Variants in PTPRN2 observed in about 807,000 individuals in gnomAD.
The protein encoded by PTPRN2 is receptor-type tyrosine-protein phosphatase N2.
Under a neutral mutation model 118.8 loss-of-function variants are expected in PTPRN2, and 74 were observed. That is an observed-to-expected ratio of 0.62 (90% confidence interval 0.52 to 0.76). The LOEUF (loss-of-function observed/expected upper bound fraction) is 0.76, where lower values mean the gene tolerates loss of function less well. Among genes scored for constraint, PTPRN2 ranks in the 30% least tolerant of loss-of-function variants. The probability of loss-of-function intolerance (pLI) is 0.00; values close to 1 mark genes in which losing one functional copy is unlikely to be tolerated. For synonymous variants in PTPRN2, 641 were observed against 608.0 expected (o/e 1.05, Z -0.80); for missense variants, 1,481 against 1,394.4 (o/e 1.06, Z -0.99).
intron 1 of PTPRN2, among the ~76,000 whole-genome samples, chr7:158,501,272 C>A (rs1195256827): frequency 6.6e-6 from 1 of 152,182 alleles, no homozygotes; most frequent in Non-Finnish European, 1.5e-5. Context: ...TATCCTCAGA[C>A]CCTCTCCCCG....
rs28505346 is a variant in PTPRN2, at chr7:157,858,185, C to T, written c.1788+40488G>A. ...CACTCCTGCAGGGAGAGCCTCCCAG[C>T]CACCACCCACACTCCTGCAGGGAGA... On this transcript the variant is annotated intron_variant, in intron 12 of 22. Transcript: ENST00000389418. 3.7e-3 allele frequency among the ~76,000 whole-genome samples: 89 copies of T among 24,172 alleles called. 9 individuals carry two copies. Among genetic ancestry groups the T allele is most frequent in the Middle Eastern group, 0.015 (1 of 66 alleles). 15.9% of individuals were successfully genotyped at this position (24,172 alleles called of 152,430 possible). A position where few individuals can be genotyped will look rare whatever the true frequency, so the allele number is the denominator to read the frequency against.
intron 11 of PTPRN2, among the ~76,000 whole-genome samples, chr7:157,908,624 A>C (rs984267303): frequency 6.6e-6 from 1 of 152,216 alleles, no homozygotes; most frequent in Non-Finnish European, 1.5e-5. Context: ...CAGGACATGC[A>C]TGACTCACGC....
At chr7:158,328,119 C>A (rs1195021699) in intron 2 of PTPRN2, among the ~76,000 whole-genome samples, 1 of 152,182 alleles carries the variant, frequency 6.6e-6, no homozygotes, top group African/African-American at 2.4e-5. Context: ...TCCCATTCTG[C>A]AAGGAAGCTG....
Position 157,861,881 on chromosome 7 carries a change from C to T in PTPRN2, c.1788+36792G>A, listed in dbSNP as rs1810268396. Among the ~76,000 whole-genome samples, 1 of 150,966 alleles carries T rather than the reference C, an allele frequency of 6.6e-6. No individual in the cohort carries two copies. Among genetic ancestry groups the T allele is most frequent in the Non-Finnish European group, 1.5e-5 (1 of 67,764 alleles). ...TCTGTGTGCCGGAGTCTGTCCTCCC[C>T]ATCACAGGGACACTGCTGCTTCGAG... On this transcript the variant is annotated intron_variant, in intron 12 of 22. Coordinates refer to ENST00000389418, the MANE Select transcript of PTPRN2 (RefSeq NM_002847.5). This position sits in a 1 kb window ranked among gnomAD's most constrained non-coding sequence, Gnocchi z 5.8.
rs1356021541 is a variant in PTPRN2, at chr7:158,526,773, C to T, written c.113-36988G>A. On this transcript the variant is annotated intron_variant, in intron 1 of 22. Transcript: ENST00000389418. This position sits in a 1 kb window ranked among gnomAD's most constrained non-coding sequence, Gnocchi z 5.2. The stretch of plus-strand genomic sequence containing the variant: ...AACCCTGTGGGGCACAGGGAGGAGA[C>T]GGCATCTGCCAGCCAAGGGGAGAGG... Among the ~76,000 whole-genome samples, 6 of 152,080 alleles carry T rather than the reference C, an allele frequency of 3.9e-5. No homozygotes were observed. The highest frequency in any genetic ancestry group is 7.4e-5 in the Non-Finnish European group (5 of 68,014).
At chr7:158,112,627 G>A (rs1456445294) in intron 9 of PTPRN2, among the ~76,000 whole-genome samples, 1 of 152,240 alleles carries the variant, frequency 6.6e-6, no homozygotes, top group East Asian at 1.9e-4. Context: ...GACAGAGTCA[G>A]GAGTTTACAT....
intron 1 of PTPRN2, among the ~76,000 whole-genome samples, chr7:158,505,824 G>C (rs1161252850): frequency 6.6e-6 from 1 of 152,198 alleles, no homozygotes; most frequent in Non-Finnish European, 1.5e-5. Context: ...TCCTTAAGGG[G>C]TTCAATGTGG....
chr7:158,188,601 G>A (rs1825466343), intron 5 of PTPRN2, among the ~76,000 whole-genome samples: 1 of 121,460 alleles, frequency 8.2e-6, no homozygotes, highest in Non-Finnish European at 1.7e-5. Flanking sequence ...CCCTGATGGG[G>A]AAGCCCGCCA....
chr7:158,047,316 T>G (rs541443437), intron 11 of PTPRN2, among the ~76,000 whole-genome samples: 13 of 152,360 alleles, frequency 8.5e-5, no homozygotes, highest in Admixed American at 4.6e-4. Flanking sequence ...TCAGTTCCCT[T>G]TCTCTCAAGG....
intron 2 of PTPRN2, among the ~76,000 whole-genome samples, chr7:158,419,942 C>T (rs960918297): frequency 2.0e-5 from 3 of 152,206 alleles, no homozygotes; most frequent in East Asian, 1.9e-4. Flanking sequence ...GGACCCCGAG[C>T]TGTGCCTGAA....
intron 22 of PTPRN2, among the ~76,000 whole-genome samples, chr7:157,545,643 G>A (rs1397169645): frequency 6.6e-6 from 1 of 152,088 alleles, no homozygotes; most frequent in Non-Finnish European, 1.5e-5. Flanking sequence ...GGACTGAGTT[G>A]CCAAATGCTC....
intron 12 of PTPRN2, among the ~76,000 whole-genome samples, chr7:157,857,078 C>T (rs1202951722): frequency 6.6e-6 from 1 of 150,576 alleles, no homozygotes; most frequent in Non-Finnish European, 1.5e-5. Context: ...CAGCCGGGGC[C>T]ACAGCACGAG....
intron 13 of PTPRN2, among the ~76,000 whole-genome samples, chr7:157,659,575 G>C (rs1163594124): frequency 6.6e-6 from 1 of 151,748 alleles, no homozygotes; most frequent in Non-Finnish European, 1.5e-5. Flanking sequence ...AGAAAAGGGA[G>C]AGTTCCAGTT....
Position 158,150,991 on chromosome 7 carries a change from G to C in PTPRN2, c.911-12476C>G, listed in dbSNP as rs182409502. The stretch of plus-strand genomic sequence containing the variant: ...CTTACAGCAATGTCTGTTCCTCTCA[G>C]CACCTCATGCTGCCTCCTATGCGGG... On this transcript the variant is annotated intron_variant, in intron 6 of 22. Transcript: ENST00000389418. 5.6e-4 allele frequency among the ~76,000 whole-genome samples: 84 copies of C among 151,258 alleles called. 1 individual carries two copies. The highest frequency in any genetic ancestry group is 3.4e-3 in the Middle Eastern group (1 of 292).
intron 2 of PTPRN2, among the ~76,000 whole-genome samples, chr7:158,381,062 T>A (rs1164932847): frequency 2.0e-5 from 3 of 152,200 alleles, no homozygotes; most frequent in African/African-American, 7.2e-5. Flanking sequence ...CACTTTTTCC[T>A]CCTGGGCCTC....
intron 11 of PTPRN2, among the ~76,000 whole-genome samples, chr7:157,947,926 A>T (rs1296589077): frequency 6.6e-6 from 1 of 152,242 alleles, no homozygotes; most frequent in Non-Finnish European, 1.5e-5. Context: ...AAAGAAAAAT[A>T]ACTGTCAACC....
intron 2 of PTPRN2, among the ~76,000 whole-genome samples, chr7:158,364,118 C>T (rs1379267675): frequency 6.6e-6 from 1 of 152,166 alleles, no homozygotes; most frequent in Non-Finnish European, 1.5e-5. Flanking sequence ...CTGCCTCTCA[C>T]CATGCTTCCC....
chr7:157,834,473 G>A (rs1029061089), intron 12 of PTPRN2, among the ~76,000 whole-genome samples: 1 of 132,734 alleles, frequency 7.5e-6, no homozygotes, highest in Admixed American at 7.4e-5. Context: ...ACCAATCAGT[G>A]AGCCAGCAGC....
In PTPRN2 at chr7:157,785,204, G is replaced by T. The variant is rs1026916932; in HGVS notation, c.1789-102267C>A. 2.0e-5 allele frequency among the ~76,000 whole-genome samples: 3 copies of T among 151,896 alleles called. No homozygotes were observed. The highest frequency in any genetic ancestry group is 2.9e-5 in the Non-Finnish European group (2 of 67,978). Reference sequence around the variant, plus strand: ...TCTGGCATGGAGCAGGATAACCCGGGCCCACGTGGGGACACGCCCCGCCCC... The same window carrying T: ...TCTGGCATGGAGCAGGATAACCCGGTCCCACGTGGGGACACGCCCCGCCCC... On this transcript the variant is annotated intron_variant, in intron 12 of 22. Coordinates refer to ENST00000389418, the MANE Select transcript of PTPRN2 (RefSeq NM_002847.5). The surrounding 1 kb of genome is among the most constrained non-coding windows in gnomAD (Gnocchi z 7.3).
Sources: allele counts gnomAD v4.1 joint callset (sites outside exome capture counted in the v4.1 genomes callset), GRCh38; gene constraint gnomAD v4.1.1; non-coding constraint Gnocchi (gnomAD v3.1); transcripts MANE v1.5; gene names NCBI Gene and HGNC (gene_info 2026-07-23, HGNC 2026-07-21).